Variants in WDR72 observed in about 807,000 individuals in gnomAD.
The protein encoded by WDR72 is WD repeat domain 72.
A neutral mutation model predicts 124.2 loss-of-function variants in WDR72; 120 were observed. The ratio of observed to expected loss-of-function variants is 0.97; its 90% confidence interval spans 0.83 to 1.12. WDR72 has a LOEUF of 1.12. Ranked by LOEUF, WDR72 falls within the 50% of genes most tolerant of loss-of-function variation. The pLI, the probability that WDR72 is intolerant of heterozygous loss-of-function variation, is 0.00. For synonymous variants in WDR72, 452 were observed against 441.7 expected (o/e 1.02, Z -0.29); for missense variants, 1,387 against 1,278.8 (o/e 1.08, Z -1.29).
At chr15:53,553,140 C>G (rs1893804239) in intron 18 of WDR72, among the ~76,000 whole-genome samples, 1 of 152,042 alleles carries the variant, frequency 6.6e-6, no homozygotes, top group African/African-American at 2.4e-5. Flanking sequence ...AATCATAATG[C>G]CCGGTAGAGG....
chr15:53,710,994 G>T, intron 8 of WDR72, 41 bp from the exon 9 acceptor site: 1 of 1,547,890 alleles, frequency 6.5e-7, no homozygotes, highest in Non-Finnish European at 8.9e-7. Context: ...GAACTTTGAG[G>T]TTCTTTATTC....
In WDR72 at chr15:53,665,177, T is replaced by C. The variant is rs371517898; in HGVS notation, c.1962+395A>G. Among the ~76,000 whole-genome samples, 88 of 151,424 alleles carry C rather than the reference T, an allele frequency of 5.8e-4. No homozygotes were observed. The East Asian group carries it at 0.011, about 19-fold the overall frequency. On this transcript the variant is annotated intron_variant, in intron 14 of 19. Coordinates refer to ENST00000360509, the MANE Select transcript of WDR72 (RefSeq NM_182758.4). ...TTGGTTATATCAAAAGAATTATCCA[T>C]ACTGTGATCTAGTTTTTCTGATTTT...
At chr15:53,580,831 A>C (rs930534245) in intron 18 of WDR72, among the ~76,000 whole-genome samples, 10 of 152,032 alleles carry the variant, frequency 6.6e-5, no homozygotes, top group African/African-American at 2.4e-4. Flanking sequence ...TGTATAGAAA[A>C]ACTAATACAG....
At chr15:53,547,090 C>T (rs1893507501) in intron 18 of WDR72, among the ~76,000 whole-genome samples, 1 of 152,224 alleles carries the variant, frequency 6.6e-6, no homozygotes, top group Non-Finnish European at 1.5e-5. Flanking sequence ...CAACAACCTA[C>T]TTAATTCAGA....
At chr15:53,682,664 G>T (rs546480572) in intron 13 of WDR72, among the ~76,000 whole-genome samples, 1 of 152,152 alleles carries the variant, frequency 6.6e-6, no homozygotes, top group Non-Finnish European at 1.5e-5. Flanking sequence ...TCTAGGGCAG[G>T]GGCAAAATAC....
chr15:53,516,572 C>A lies in WDR72; in HGVS notation c.*1127G>T, dbSNP rs902499239. 6.6e-6 allele frequency: 1 copy of A among 151,962 alleles called. No homozygotes were observed. The highest frequency in any genetic ancestry group is 1.5e-5 in the Non-Finnish European group (1 of 67,974). The allele number at this position is 151,962 out of a possible 1,614,324, so 9.4% of individuals were successfully genotyped here. A position where few individuals can be genotyped will look rare whatever the true frequency, so the allele number is the denominator to read the frequency against. The stretch of plus-strand genomic sequence containing the variant: ...CTTTTCTAATTTCCCCCTCTCCTGT[C>A]CACTGCATCCCACCATAGGACCTGA... On this transcript the variant is annotated 3_prime_UTR_variant, in exon 20 of 20. Coordinates refer to ENST00000360509, the MANE Select transcript of WDR72 (RefSeq NM_182758.4).
intron 13 of WDR72, among the ~76,000 whole-genome samples, chr15:53,679,997 A>C (rs2016322820): frequency 6.6e-6 from 1 of 151,910 alleles, no homozygotes; most frequent in Admixed American, 6.6e-5. Flanking sequence ...AAATAACCTT[A>C]TGCAATTTAA....
rs1891408326 is a variant in WDR72 at position 53,515,420 on chromosome 15, C to T, written c.*2279G>A. The T allele has an allele frequency of 6.6e-6, 1 of 152,100 alleles. No homozygotes were observed. Among genetic ancestry groups the T allele is most frequent in the African/African-American group, 2.4e-5 (1 of 41,438 alleles). The allele number at this position is 152,100 out of a possible 1,614,324, so 9.4% of individuals were successfully genotyped here. A position where few individuals can be genotyped will look rare whatever the true frequency, so the allele number is the denominator to read the frequency against. On this transcript the variant is annotated 3_prime_UTR_variant, in exon 20 of 20. Transcript: ENST00000360509. ...ACAGAAATTACTGAAATATGTGGAA[C>T]ACCAGTCAATATAAAGAATTCATTT... is the stretch of plus-strand genomic sequence containing the variant.
chr15:53,697,133 C>A (rs552252764), intron 13 of WDR72, among the ~76,000 whole-genome samples: 1 of 152,160 alleles, frequency 6.6e-6, no homozygotes, highest in Non-Finnish European at 1.5e-5. Context: ...CTGTTTGATA[C>A]GGAAATTCTA....
intron 11 of WDR72, among the ~76,000 whole-genome samples, chr15:53,703,612 T>C (rs559795463): frequency 1.3e-5 from 2 of 152,028 alleles, no homozygotes; most frequent in East Asian, 3.9e-4. Context: ...GCTTGGCACT[T>C]GGTAGGCATA....
At chr15:53,671,724 A>G (rs1166854319) in intron 13 of WDR72, among the ~76,000 whole-genome samples, 3 of 152,210 alleles carry the variant, frequency 2.0e-5, no homozygotes, top group Non-Finnish European at 4.4e-5. Context: ...GCTTTCAGCA[A>G]TGTTGCCAGG....
chr15:53,521,414 T>C (rs1891786669), intron 19 of WDR72, among the ~76,000 whole-genome samples: 1 of 152,068 alleles, frequency 6.6e-6, no homozygotes, highest in African/African-American at 2.4e-5. Context: ...TCTCCAGAGG[T>C]TTCTAGGCCT....
chr15:53,756,262 G>C (rs2018902835), intron 1 of WDR72, among the ~76,000 whole-genome samples: 2 of 152,122 alleles, frequency 1.3e-5, no homozygotes, highest in African/African-American at 2.4e-5. Flanking sequence ...TTCCCCCTTT[G>C]CTCCGCACTC....
At chr15:53,677,058 C>T (rs1173921915) in intron 13 of WDR72, among the ~76,000 whole-genome samples, 1 of 151,584 alleles carries the variant, frequency 6.6e-6, no homozygotes. Flanking sequence ...GCAGCTGGGA[C>T]TACAGGCACC....
intron 13 of WDR72, among the ~76,000 whole-genome samples, chr15:53,688,835 C>A (rs538158192): frequency 9.0e-4 from 137 of 151,936 alleles, no homozygotes; most frequent in African/African-American, 3.2e-3. Flanking sequence ...CTACAGTAAC[C>A]AAAACAGCAT....
intron 1 of WDR72, among the ~76,000 whole-genome samples, chr15:53,744,976 T>G (rs1238932422): frequency 6.6e-6 from 1 of 151,710 alleles, no homozygotes; most frequent in Non-Finnish European, 1.5e-5. Flanking sequence ...AGTTCATCAT[T>G]AGGTTGTATC....
Position 53,687,422 on chromosome 15 carries a change from T to C in WDR72, c.1765+12328A>G, listed in dbSNP as rs933039792. On this transcript the variant is annotated intron_variant, in intron 13 of 19. Transcript: ENST00000360509. The stretch of plus-strand genomic sequence containing the variant: ...AGAAATACAAACTACCATCAGAGAA[T>C]ACTACAAACACCTCTATTCAAATAA... Among the ~76,000 whole-genome samples the C allele has an allele frequency of 4.1e-4, 62 of 151,014 alleles. 1 individual carries two copies. Among genetic ancestry groups the C allele is most frequent in the Admixed American group, 1.6e-3 (24 of 15,216 alleles).
intron 14 of WDR72, among the ~76,000 whole-genome samples, chr15:53,620,415 A>C (rs1034229779): frequency 2.7e-5 from 4 of 145,880 alleles, no homozygotes; most frequent in African/African-American, 1.1e-4. Context: ...AATTTCTAGA[A>C]AAACTTATAT....
At chr15:53,616,928 A>C (rs976854275) in intron 14 of WDR72, among the ~76,000 whole-genome samples, 4 of 151,806 alleles carry the variant, frequency 2.6e-5, no homozygotes, top group Admixed American at 6.6e-5. Flanking sequence ...GAATATGAAA[A>C]ATTTATTTCT....
Sources: gnomAD v4.1 joint callset for allele counts (sites outside exome capture counted in the v4.1 genomes callset) on GRCh38, gnomAD v4.1.1 for gene constraint, MANE v1.5 for transcripts, NCBI Gene and HGNC (gene_info 2026-07-23, HGNC 2026-07-21) for gene names.